RUNX1T1: variants seen among roughly 807,000 people sequenced by gnomAD.
RUNX1T1 encodes RUNX1 partner transcriptional co-repressor 1.
RUNX1T1 carries 4 observed loss-of-function variants against 62.8 expected under a neutral mutation model. The observed-to-expected ratio is 0.06, with a 90% CI of 0.03 to 0.15. RUNX1T1 has a LOEUF of 0.15. Among genes scored for constraint, RUNX1T1 ranks in the 10% least tolerant of loss-of-function variants. The pLI is 1.00. For missense variants in RUNX1T1, 508 were observed against 754.3 expected (o/e 0.67, Z 3.82); for synonymous variants, 291 against 286.0 (o/e 1.02, Z -0.18).
intron 1 of RUNX1T1, among the ~76,000 whole-genome samples, chr8:92,046,446 G>A (rs1055772654): frequency 5.3e-5 from 8 of 152,076 alleles, no homozygotes; most frequent in South Asian, 2.1e-4. Flanking sequence ...TTACTGCAAC[G>A]TCCATCTCCC....
chr8:92,091,374 C>G (rs1836985377), intron 1 of RUNX1T1, among the ~76,000 whole-genome samples: 1 of 152,170 alleles, frequency 6.6e-6, no homozygotes, highest in Non-Finnish European at 1.5e-5. Flanking sequence ...TAGTTGTAGG[C>G]AACATTGACA....
At chr8:92,018,502 A>T (rs558756581) in intron 1 of RUNX1T1, among the ~76,000 whole-genome samples, 5 of 152,212 alleles carry the variant, frequency 3.3e-5, no homozygotes, top group Non-Finnish European at 7.4e-5. Flanking sequence ...ACGTATTTTG[A>T]GGCACCTCTT....
At chr8:92,003,303 T>C (rs1340973919) in intron 5 of RUNX1T1, 1 of 455,908 alleles carries the variant, frequency 2.2e-6, no homozygotes, top group East Asian at 6.9e-5. Flanking sequence ...AGCACTTACC[T>C]TAAGACTGTG....
chr8:91,976,265 T>G (rs918656485), intron 8 of RUNX1T1, among the ~76,000 whole-genome samples: 1 of 152,362 alleles, frequency 6.6e-6, no homozygotes, highest in South Asian at 2.1e-4. Flanking sequence ...CTCAGCACTT[T>G]CTGACTATGG....
chr8:92,053,806 T>G (rs985489083), intron 1 of RUNX1T1, among the ~76,000 whole-genome samples: 1 of 152,224 alleles, frequency 6.6e-6, no homozygotes, highest in Admixed American at 6.5e-5. Context: ...ATTTGCTGAT[T>G]GCATACTCTA....
At chr8:92,034,797 T>TACACACACACACACAC (rs200718439) in intron 1 of RUNX1T1, among the ~76,000 whole-genome samples, 1 of 96,850 alleles carries the variant, frequency 1.0e-5, no homozygotes, top group Non-Finnish European at 2.2e-5. Context: ...TATACATATA[T>TACACACACACACACAC]ACACACACAC....
chr8:92,091,749 T>A (rs1837059202), intron 1 of RUNX1T1, among the ~76,000 whole-genome samples: 2 of 152,300 alleles, frequency 1.3e-5, no homozygotes, highest in Admixed American at 6.5e-5. Flanking sequence ...TACTGAACTG[T>A]TCTTTGGGCT....
chr8:91,985,617 G>A (rs193253512), intron 8 of RUNX1T1, among the ~76,000 whole-genome samples: 65 of 151,910 alleles, frequency 4.3e-4, no homozygotes, highest in African/African-American at 1.5e-3. Context: ...GGAGGCGGGG[G>A]GTTGAGAAAA....
chr8:92,097,771 C>A (rs2130946716), intron 1 of RUNX1T1, among the ~76,000 whole-genome samples: 1 of 152,252 alleles, frequency 6.6e-6, no homozygotes, highest in East Asian at 1.9e-4. Flanking sequence ...TCTATTAGTA[C>A]CTTGTTTGTT....
exon 11 of RUNX1T1, chr8:91,959,475 C>CGT (rs375805701): frequency 0.052 from 1,751 of 33,988 alleles, 116 homozygotes; most frequent in African/African-American, 0.16. Flanking sequence ...TGTATATGTG[C>CGT]GTGTGTGTGT....
At chr8:91,974,154 A>G (rs1053629412) in intron 9 of RUNX1T1, among the ~76,000 whole-genome samples, 45 of 152,064 alleles carry the variant, frequency 3.0e-4, no homozygotes, top group Admixed American at 2.8e-3. Context: ...AAGAAAAATA[A>G]TAGTGGAGTC....
chr8:92,060,922 T>TGAGA (rs56103756), intron 1 of RUNX1T1, among the ~76,000 whole-genome samples: 2,586 of 146,500 alleles, frequency 0.018, 63 homozygotes, highest in African/African-American at 0.056. Context: ...ACACAGTTGA[T>TGAGA]GAGAGAGAGA....
upstream of RUNX1T1, among the ~76,000 whole-genome samples, chr8:92,067,297 T>C (rs1833011684): frequency 6.6e-6 from 1 of 152,192 alleles, no homozygotes; most frequent in African/African-American, 2.4e-5. Flanking sequence ...TAGAACACAG[T>C]GGCCCATGGA....
At chr8:92,062,503 T>G in intron 1 of RUNX1T1, 1 of 1,600,204 alleles carries the variant, frequency 6.2e-7, no homozygotes, top group Non-Finnish European at 8.6e-7. Flanking sequence ...GTAAGCTTTC[T>G]TCATTGGAAA....
chr8:92,101,023 T>C (rs1838010354), upstream of RUNX1T1, among the ~76,000 whole-genome samples: 1 of 152,148 alleles, frequency 6.6e-6, no homozygotes, highest in African/African-American at 2.4e-5. Flanking sequence ...ACAGAGAAGC[T>C]GGTCAATTTG....
intron 1 of RUNX1T1, among the ~76,000 whole-genome samples, chr8:92,084,675 T>C (rs1229557802): frequency 1.3e-5 from 2 of 152,126 alleles, no homozygotes; most frequent in African/African-American, 4.8e-5. Flanking sequence ...ATAAATTCTA[T>C]CTTTGGGGAG....
intron 9 of RUNX1T1, among the ~76,000 whole-genome samples, chr8:91,973,268 A>G (rs1813229940): frequency 6.6e-6 from 1 of 151,952 alleles, no homozygotes; most frequent in Admixed American, 6.6e-5. Flanking sequence ...AAGAGAAAGA[A>G]GAGGATGAAA....
At chr8:92,100,273 A>C (rs1022983182), upstream of RUNX1T1, among the ~76,000 whole-genome samples, 1 of 152,142 alleles carries the variant, frequency 6.6e-6, no homozygotes, top group Admixed American at 6.5e-5. Context: ...GAGTTGTACA[A>C]ACATAAAAGA....
At chr8:92,030,715 G>A (rs150912741) in intron 1 of RUNX1T1, among the ~76,000 whole-genome samples, 26 of 152,106 alleles carry the variant, frequency 1.7e-4, no homozygotes, top group Non-Finnish European at 1.5e-5. Flanking sequence ...CCTTTGATCT[G>A]TTTAGCCACT....
Sources: gnomAD v4.1 joint callset for allele counts (sites outside exome capture counted in the v4.1 genomes callset) on GRCh38, gnomAD v4.1.1 for gene constraint, MANE v1.5 for transcripts, NCBI Gene and HGNC (gene_info 2026-07-23, HGNC 2026-07-21) for gene names.